The following ADGRB3 variants were observed in gnomAD, a reference collection of about 807,000 sequenced individuals.
ADGRB3 encodes brain-specific angiogenesis inhibitor 3.
Under a neutral mutation model 193.4 loss-of-function variants are expected in ADGRB3, and 37 were observed. That is an observed-to-expected ratio of 0.19 (90% CI 0.15 to 0.25). ADGRB3 has a LOEUF of 0.25. ADGRB3 is among the 10% of genes least tolerant of loss of function. The pLI is 1.00. For missense variants in ADGRB3, 1,637 were observed against 1,852.9 expected (o/e 0.88, Z 2.14); for synonymous variants, 690 against 644.2 (o/e 1.07, Z -1.08).
chr6:68,879,213 C>CTTTTTTTTTTTTTT (rs529789046), intron 3 of ADGRB3, among the ~76,000 whole-genome samples: 4 of 91,906 alleles, frequency 4.4e-5, no homozygotes, highest in Non-Finnish European at 7.9e-5. Context: ...CTTTTTGTCG[C>CTTTTTTTTTTTTTT]TTTTTTTTTT....
At chr6:69,093,069 G>C (rs1483535091) in intron 17 of ADGRB3, among the ~76,000 whole-genome samples, 1 of 151,840 alleles carries the variant, frequency 6.6e-6, no homozygotes, top group Non-Finnish European at 1.5e-5. Context: ...CCTAGTTTCA[G>C]TGGACTGAGG....
chr6:69,224,067 A>T (rs1004982428), intron 17 of ADGRB3, among the ~76,000 whole-genome samples: 9 of 152,062 alleles, frequency 5.9e-5, no homozygotes, highest in Non-Finnish European at 1.3e-4. Context: ...AATAATACCT[A>T]TAATTTGTCA....
chr6:69,376,915 T>TA lies in ADGRB3; in HGVS notation c.4275+4481dup, dbSNP rs1241225719. 8.5e-5 allele frequency among the ~76,000 whole-genome samples: 13 copies of TA among 152,074 alleles called. No individual in the cohort carries two copies. In the East Asian group the frequency reaches 1.9e-3, roughly 23 times the overall value. Reference sequence around the variant, plus strand: ...ATACTCATGATTGACAGTGGCAAAATAAAAAAATATGCAACTAATTTTTGC... The same window carrying TA: ...ATACTCATGATTGACAGTGGCAAAATAAAAAAAATATGCAACTAATTTTTGC... On this transcript the variant is annotated intron_variant, in intron 30 of 31. Transcript: ENST00000370598.
At chr6:68,710,263 C>T (rs868069516) in intron 3 of ADGRB3, among the ~76,000 whole-genome samples, 1 of 152,086 alleles carries the variant, frequency 6.6e-6, no homozygotes, top group Non-Finnish European at 1.5e-5. Context: ...TTATCTGGTT[C>T]TCTGAATGTT....
intron 3 of ADGRB3, among the ~76,000 whole-genome samples, chr6:68,794,328 A>G (rs1435224161): frequency 6.6e-6 from 1 of 151,870 alleles, no homozygotes; most frequent in Non-Finnish European, 1.5e-5. Context: ...TAAAATACAC[A>G]CTTTACATAT....
intron 5 of ADGRB3, among the ~76,000 whole-genome samples, chr6:68,941,149 C>T (rs1767631390): frequency 1.3e-5 from 2 of 151,956 alleles, no homozygotes; most frequent in Admixed American, 1.3e-4. Context: ...ATGAACTAGA[C>T]CATTTATAGA....
chr6:68,777,186 A>G (rs1252416561), intron 3 of ADGRB3, among the ~76,000 whole-genome samples: 1 of 152,126 alleles, frequency 6.6e-6, no homozygotes, highest in Non-Finnish European at 1.5e-5. Flanking sequence ...CTGTAATAGC[A>G]TGTAAGTGTG....
intron 20 of ADGRB3, among the ~76,000 whole-genome samples, chr6:69,262,781 C>G (rs1325685696): frequency 6.6e-6 from 1 of 151,370 alleles, no homozygotes. Flanking sequence ...TCTTACTGTG[C>G]CTAACTTATA....
intron 17 of ADGRB3, among the ~76,000 whole-genome samples, chr6:69,092,692 A>G (rs1772748653): frequency 6.6e-6 from 1 of 151,648 alleles, no homozygotes; most frequent in African/African-American, 2.4e-5. Context: ...TACAGTTAAT[A>G]AGCAAAAAAG....
chr6:69,174,205 T>C (rs1023077334), intron 17 of ADGRB3, among the ~76,000 whole-genome samples: 5 of 152,200 alleles, frequency 3.3e-5, no homozygotes, highest in African/African-American at 1.2e-4. Context: ...GTCTCCCAGG[T>C]ACTAAGCATA....
intron 3 of ADGRB3, among the ~76,000 whole-genome samples, chr6:68,755,310 C>A (rs557447518): frequency 2.0e-5 from 3 of 152,254 alleles, no homozygotes; most frequent in South Asian, 4.1e-4. Context: ...AGTGAAAGGA[C>A]CCCTGTCTCC....
chr6:69,288,669 G>A (rs1434866142), intron 20 of ADGRB3, among the ~76,000 whole-genome samples: 2 of 152,172 alleles, frequency 1.3e-5, no homozygotes, highest in Non-Finnish European at 2.9e-5. Context: ...CTCCCCAAGG[G>A]AGTTATTAGC....
At chr6:69,297,675 T>C (rs1767859332) in intron 20 of ADGRB3, among the ~76,000 whole-genome samples, 1 of 151,862 alleles carries the variant, frequency 6.6e-6, no homozygotes, top group South Asian at 2.1e-4. Context: ...GAAGGGTGAA[T>C]ATGTTGGTAA....
intron 3 of ADGRB3, among the ~76,000 whole-genome samples, chr6:68,886,223 G>T (rs1041474786): frequency 6.6e-6 from 1 of 152,050 alleles, no homozygotes; most frequent in Non-Finnish European, 1.5e-5. Context: ...TTGCAAGCTG[G>T]TGTTTACCTT....
intron 17 of ADGRB3, among the ~76,000 whole-genome samples, chr6:69,108,355 G>T (rs1010805092): frequency 6.7e-6 from 1 of 150,056 alleles, no homozygotes; most frequent in African/African-American, 2.4e-5. Context: ...TTTAATATTA[G>T]CTCCATTTGT....
chr6:69,237,611 A>G (rs186368263), intron 19 of ADGRB3, among the ~76,000 whole-genome samples: 3 of 152,168 alleles, frequency 2.0e-5, no homozygotes, highest in Admixed American at 6.6e-5. Context: ...AAATAGAAAC[A>G]TATAAAAACT....
intron 13 of ADGRB3, among the ~76,000 whole-genome samples, chr6:69,038,078 G>C (rs1403063805): frequency 1.3e-5 from 2 of 152,146 alleles, no homozygotes; most frequent in Non-Finnish European, 2.9e-5. Flanking sequence ...ATAGAGGTTT[G>C]TTGGATAAAT....
At chr6:68,639,675 G>A (rs1208728052) in intron 3 of ADGRB3, among the ~76,000 whole-genome samples, 1 of 152,152 alleles carries the variant, frequency 6.6e-6, no homozygotes, top group Non-Finnish European at 1.5e-5. Flanking sequence ...GAATTTTCAG[G>A]AGAAAGATGC....
intron 3 of ADGRB3, among the ~76,000 whole-genome samples, chr6:68,711,008 T>C (rs1036901386): frequency 2.0e-5 from 3 of 152,080 alleles, no homozygotes; most frequent in Admixed American, 6.6e-5. Flanking sequence ...GTTCCCTTGA[T>C]CCCTTTTCAC....
Sources: allele counts gnomAD v4.1 joint callset (sites outside exome capture counted in the v4.1 genomes callset), GRCh38; gene constraint gnomAD v4.1.1; transcripts MANE v1.5; gene names NCBI Gene and HGNC (gene_info 2026-07-23, HGNC 2026-07-21).